The following SGCZ variants were observed in gnomAD, a reference collection of about 807,000 sequenced individuals.
SGCZ encodes the protein zeta-sarcoglycan.
A neutral mutation model predicts 41.3 loss-of-function variants in SGCZ; 40 were observed. The ratio of observed to expected loss-of-function variants is 0.97; its 90% CI spans 0.75 to 1.26. The LOEUF (loss-of-function observed/expected upper bound fraction) is 1.26, where lower values mean the gene tolerates loss of function less well. SGCZ is among the 50% of genes most tolerant of loss of function. The pLI is 0.00. For synonymous variants in SGCZ, 206 were observed against 137.5 expected (o/e 1.50, Z -3.49); for missense variants, 552 against 369.8 (o/e 1.49, Z -4.04).
At chr8:14,830,578 A>C (rs1200965557) in intron 1 of SGCZ, among the ~76,000 whole-genome samples, 1 of 152,194 alleles carries the variant, frequency 6.6e-6, no homozygotes, top group Non-Finnish European at 1.5e-5. Context: ...GAAAGTCCAT[A>C]AAATTCTAGT....
At chr8:14,230,718 T>A (rs574951306) in intron 4 of SGCZ, among the ~76,000 whole-genome samples, 8 of 151,548 alleles carry the variant, frequency 5.3e-5, no homozygotes, top group Non-Finnish European at 1.0e-4. Flanking sequence ...ATAATTTTAA[T>A]TGAACATATA....
At chr8:14,594,989 G>A (rs2175277) in intron 1 of SGCZ, among the ~76,000 whole-genome samples, 48,617 of 151,594 alleles carry the variant, frequency 0.32, 9,057 homozygotes, top group Admixed American at 0.41. Context: ...TAAAGCCTTT[G>A]TTATATATTT....
intron 1 of SGCZ, among the ~76,000 whole-genome samples, chr8:15,101,243 T>A (rs998761172): frequency 6.6e-6 from 1 of 152,202 alleles, no homozygotes; most frequent in African/African-American, 2.4e-5. Context: ...AAAAAATTGT[T>A]GTAATTAAAA....
chr8:14,944,881 A>G (rs1016564635), intron 1 of SGCZ, among the ~76,000 whole-genome samples: 2 of 152,170 alleles, frequency 1.3e-5, no homozygotes, highest in African/African-American at 2.4e-5. Flanking sequence ...TAAGTTGACA[A>G]TTATCTAAAT....
At chr8:14,353,297 C>G (rs541338592) in intron 2 of SGCZ, among the ~76,000 whole-genome samples, 2 of 152,140 alleles carry the variant, frequency 1.3e-5, no homozygotes, top group South Asian at 4.1e-4. Context: ...TTATTTTATG[C>G]CCCTCTTTAA....
chr8:14,539,336 G>C (rs757312924), intron 2 of SGCZ, among the ~76,000 whole-genome samples: 3 of 151,672 alleles, frequency 2.0e-5, no homozygotes, highest in African/African-American at 4.8e-5. Flanking sequence ...TGTTTGTCTG[G>C]AGAACCCTGA....
At chr8:14,172,248 C>G (rs1489293784) in intron 4 of SGCZ, among the ~76,000 whole-genome samples, 1 of 152,146 alleles carries the variant, frequency 6.6e-6, no homozygotes, top group Non-Finnish European at 1.5e-5. Context: ...GCTTTAATTA[C>G]TGTAATCACC....
chr8:14,252,629 C>A (rs1009459848), intron 3 of SGCZ, among the ~76,000 whole-genome samples: 2 of 152,016 alleles, frequency 1.3e-5, no homozygotes, highest in African/African-American at 4.8e-5. Context: ...TGTATTGTAC[C>A]TGCTAAGTCC....
intron 2 of SGCZ, among the ~76,000 whole-genome samples, chr8:14,343,543 T>C (rs778587857): frequency 6.6e-6 from 1 of 152,174 alleles, no homozygotes; most frequent in Non-Finnish European, 1.5e-5. Flanking sequence ...AATTTAAATA[T>C]ATAAGAATTT....
chr8:14,317,737 CA>C (rs1261329279), intron 3 of SGCZ, among the ~76,000 whole-genome samples: 2 of 151,782 alleles, frequency 1.3e-5, no homozygotes, highest in East Asian at 3.9e-4. Context: ...CAGGTTAGTG[CA>C]AAAGTAACTG....
At chr8:14,962,185 C>T (rs1177485505) in intron 1 of SGCZ, among the ~76,000 whole-genome samples, 3 of 152,072 alleles carry the variant, frequency 2.0e-5, no homozygotes, top group Non-Finnish European at 2.9e-5. Context: ...ATTACGTCAA[C>T]CAGTTTCTGA....
At chr8:14,542,065 C>T (rs1363322422) in intron 2 of SGCZ, among the ~76,000 whole-genome samples, 1 of 152,152 alleles carries the variant, frequency 6.6e-6, no homozygotes, top group East Asian at 1.9e-4. Context: ...CAAAAATTTT[C>T]TCCCATTCTG....
intron 2 of SGCZ, among the ~76,000 whole-genome samples, chr8:14,339,815 G>A (rs1056735989): frequency 2.0e-5 from 3 of 152,042 alleles, no homozygotes; most frequent in Non-Finnish European, 2.9e-5. Context: ...TTTAAAATAT[G>A]TGCATAAAAT....
At chr8:14,992,056 G>GTTACCCTTGATAT (rs1802032299) in intron 1 of SGCZ, among the ~76,000 whole-genome samples, 1 of 148,438 alleles carries the variant, frequency 6.7e-6, no homozygotes, top group Non-Finnish European at 1.5e-5. Context: ...CAAAACCAAT[G>GTTACCCTTGATAT]TTACCCTTGA....
chr8:15,030,331 T>C (rs1419935700), intron 1 of SGCZ, among the ~76,000 whole-genome samples: 1 of 152,140 alleles, frequency 6.6e-6, no homozygotes, highest in Non-Finnish European at 1.5e-5. Context: ...TCTATTCTAA[T>C]ATGGGAACAG....
intron 5 of SGCZ, among the ~76,000 whole-genome samples, chr8:14,126,042 G>A (rs1233760585): frequency 1.3e-5 from 2 of 152,152 alleles, no homozygotes; most frequent in Non-Finnish European, 1.5e-5. Flanking sequence ...GAAAGGCTAG[G>A]CAATAACATT....
intron 1 of SGCZ, among the ~76,000 whole-genome samples, chr8:14,725,512 C>T (rs572905617): frequency 1.3e-5 from 2 of 151,986 alleles, no homozygotes; most frequent in African/African-American, 2.4e-5. Flanking sequence ...TTTCATAAAA[C>T]GATTTTAAAT....
chr8:14,246,012 G>C (rs1799074108), intron 3 of SGCZ, among the ~76,000 whole-genome samples: 1 of 152,146 alleles, frequency 6.6e-6, no homozygotes, highest in Non-Finnish European at 1.5e-5. Flanking sequence ...CTGTAAACTA[G>C]TTCAACCATT....
intron 1 of SGCZ, among the ~76,000 whole-genome samples, chr8:15,024,931 G>A (rs1269515775): frequency 9.8e-6 from 1 of 102,246 alleles, no homozygotes; most frequent in African/African-American, 3.4e-5. Context: ...GTGAGACTCC[G>A]TCTCAAATAA....
Sources: allele counts gnomAD v4.1 joint callset (sites outside exome capture counted in the v4.1 genomes callset), GRCh38; gene constraint gnomAD v4.1.1; transcripts MANE v1.5; gene names NCBI Gene and HGNC (gene_info 2026-07-23, HGNC 2026-07-21).